The following L3MBTL4 variants were observed in gnomAD, a reference collection of about 807,000 sequenced individuals.
L3MBTL4 encodes the protein lethal(3)malignant brain tumor-like protein 4.
Under a neutral mutation model 84.5 loss-of-function variants are expected in L3MBTL4, and 70 were observed. The ratio of observed to expected loss-of-function variants is 0.83; its 90% CI spans 0.68 to 1.01. The LOEUF is 1.01. Ranked by LOEUF, L3MBTL4 falls within the 50% of genes least tolerant of loss-of-function variation. The pLI, the probability that L3MBTL4 is intolerant of heterozygous loss-of-function variation, is 0.00. For synonymous variants in L3MBTL4, 274 were observed against 259.8 expected, an observed-to-expected ratio of 1.05 and a Z score of -0.52; for missense variants, 715 against 754.8, an observed-to-expected ratio of 0.95 and a Z score of 0.62.
At chr18:6,263,025 G>A (rs534087371) in intron 5 of L3MBTL4, among the ~76,000 whole-genome samples, 10 of 152,242 alleles carry the variant, frequency 6.6e-5, no homozygotes, top group Admixed American at 2.0e-4. Context: ...TGTAATCCCC[G>A]GCACTTTGGG....
At chr18:6,393,430 T>C (rs1285840812) in intron 1 of L3MBTL4, among the ~76,000 whole-genome samples, 1 of 152,150 alleles carries the variant, frequency 6.6e-6, no homozygotes, top group Non-Finnish European at 1.5e-5. Context: ...AAGCTTGAAA[T>C]GAAAGCCCAC....
At chr18:6,354,223 T>C (rs1599751997) in intron 1 of L3MBTL4, among the ~76,000 whole-genome samples, 2 of 152,248 alleles carry the variant, frequency 1.3e-5, no homozygotes, top group South Asian at 2.1e-4. Flanking sequence ...GAAAAGTGGA[T>C]ATCCATATGC....
At chr18:6,119,549 G>A (rs9944583) in intron 14 of L3MBTL4, among the ~76,000 whole-genome samples, 5,400 of 152,202 alleles carry the variant, frequency 0.035, 343 homozygotes, top group African/African-American at 0.12. Context: ...CGTATGGATC[G>A]CTGTTCAGGA....
intron 14 of L3MBTL4, among the ~76,000 whole-genome samples, chr18:6,134,698 C>T (rs947858954): frequency 2.0e-5 from 3 of 152,246 alleles, no homozygotes; most frequent in African/African-American, 7.2e-5. Flanking sequence ...GCTGATGCAA[C>T]AGGTGGGTTC....
chr18:6,066,077 G>A (rs530470398), intron 16 of L3MBTL4, among the ~76,000 whole-genome samples: 2 of 152,058 alleles, frequency 1.3e-5, no homozygotes, highest in South Asian at 4.1e-4. Flanking sequence ...TCATTTTCAA[G>A]AATTTTCTAA....
chr18:6,178,073 A>G (rs1327700335), intron 12 of L3MBTL4, among the ~76,000 whole-genome samples: 1 of 152,148 alleles, frequency 6.6e-6, no homozygotes, highest in Non-Finnish European at 1.5e-5. Context: ...ATCCGACTGC[A>G]GAATTAGGTC....
chr18:6,147,309 TCTC>T (rs2042697501), intron 13 of L3MBTL4, among the ~76,000 whole-genome samples: 1 of 152,032 alleles, frequency 6.6e-6, no homozygotes, highest in Non-Finnish European at 1.5e-5. Flanking sequence ...TCATACCTAT[TCTC>T]CTCCTCCTAA....
chr18:6,145,799 T>C (rs2042624949), intron 13 of L3MBTL4, among the ~76,000 whole-genome samples: 1 of 152,208 alleles, frequency 6.6e-6, no homozygotes, highest in Non-Finnish European at 1.5e-5. Context: ...TAGACGCTGC[T>C]GTTCCCTTTG....
chr18:6,038,026 G>A (rs565084793), intron 16 of L3MBTL4, among the ~76,000 whole-genome samples: 74 of 152,188 alleles, frequency 4.9e-4, no homozygotes, highest in African/African-American at 1.7e-3. Flanking sequence ...AGGAGAATAC[G>A]TACTTTGGAA....
At chr18:6,122,825 T>C (rs984670008) in intron 14 of L3MBTL4, among the ~76,000 whole-genome samples, 3 of 152,228 alleles carry the variant, frequency 2.0e-5, no homozygotes, top group African/African-American at 7.2e-5. Context: ...ATGAGAATTA[T>C]ATATTTAAAT....
chr18:6,004,578 A>G (rs938410252), intron 16 of L3MBTL4, among the ~76,000 whole-genome samples: 2 of 152,224 alleles, frequency 1.3e-5, no homozygotes, highest in Admixed American at 6.5e-5. Flanking sequence ...AGATGACATG[A>G]TCTTACATGT....
chr18:6,099,738 G>A (rs1891797554), intron 14 of L3MBTL4, among the ~76,000 whole-genome samples: 1 of 150,414 alleles, frequency 6.6e-6, no homozygotes, highest in South Asian at 2.1e-4. Context: ...AGCTGACACT[G>A]TCACTTAATT....
At chr18:6,031,353 C>T (rs932208751) in intron 16 of L3MBTL4, 3 of 985,334 alleles carry the variant, frequency 3.0e-6, no homozygotes, top group Non-Finnish European at 3.6e-6. Context: ...TGCCTTCCTT[C>T]ACCTTATTGT....
intron 4 of L3MBTL4, among the ~76,000 whole-genome samples, chr18:6,293,404 A>C (rs934871627): frequency 2.0e-5 from 3 of 152,156 alleles, no homozygotes; most frequent in Non-Finnish European, 4.4e-5. Context: ...TCAAAAGGAC[A>C]CCAAAACCAG....
At chr18:6,394,586 C>T (rs867076276) in intron 1 of L3MBTL4, among the ~76,000 whole-genome samples, 1 of 152,198 alleles carries the variant, frequency 6.6e-6, no homozygotes. Context: ...GGACCTTCAC[C>T]TGTTTTGCTT....
intron 16 of L3MBTL4, among the ~76,000 whole-genome samples, chr18:6,069,118 G>A (rs2057496073): frequency 6.6e-6 from 1 of 152,256 alleles, no homozygotes; most frequent in Non-Finnish European, 1.5e-5. Flanking sequence ...TGGCAGGGCA[G>A]TTACATACAC....
At chr18:5,999,963 T>C (rs2054144022) in intron 16 of L3MBTL4, among the ~76,000 whole-genome samples, 1 of 152,192 alleles carries the variant, frequency 6.6e-6, no homozygotes, top group Non-Finnish European at 1.5e-5. Flanking sequence ...CAGGAAGCAC[T>C]CTGTCTCAGT....
At chr18:6,231,122 T>G (rs1599253098) in intron 10 of L3MBTL4, among the ~76,000 whole-genome samples, 1 of 152,336 alleles carries the variant, frequency 6.6e-6, no homozygotes, top group East Asian at 1.9e-4. Context: ...CTGAAGTTGC[T>G]TTTGGTGTCT....
chr18:6,295,436 C>T (rs1177000237), intron 4 of L3MBTL4, among the ~76,000 whole-genome samples: 1 of 148,758 alleles, frequency 6.7e-6, no homozygotes, highest in Non-Finnish European at 1.5e-5. Context: ...TTCATTGATG[C>T]TATTACTGAT....
Sources: allele counts gnomAD v4.1 joint callset (sites outside exome capture counted in the v4.1 genomes callset), GRCh38; gene constraint gnomAD v4.1.1; transcripts MANE v1.5; gene names NCBI Gene and HGNC (gene_info 2026-07-23, HGNC 2026-07-21).